TEX10: variants seen among roughly 807,000 people sequenced by gnomAD.
TEX10 encodes testis-expressed protein 10.
TEX10 carries 24 observed loss-of-function variants against 104.4 expected under a neutral mutation model. The ratio of observed to expected loss-of-function variants is 0.23; its 90% CI spans 0.17 to 0.32. The LOEUF (loss-of-function observed/expected upper bound fraction) is 0.32. TEX10 is among the 10% of genes least tolerant of loss of function. The pLI is 1.00. For missense variants in TEX10, 921 were observed against 1,083.9 expected, an observed-to-expected ratio of 0.85 and a Z score of 2.11; for synonymous variants, 396 against 393.4, an observed-to-expected ratio of 1.01 and a Z score of -0.08.
At position 100,329,971 on chromosome 9, in the gene TEX10, C is replaced by A; in HGVS notation, c.1449G>T (p.Leu483=). The change falls in exon 6 of 15, where the codon CTG becomes CTT. Residue 483 remains leucine, a synonymous_variant. Coordinates refer to ENST00000374902, the MANE Select transcript of TEX10 (RefSeq NM_017746.4). ...TTTGCATTAACCTCCAGGATACTCCCAGCAATCTGTTCAGTTGCTTACTAT... is the reference window on the plus strand; with the variant it reads ...TTTGCATTAACCTCCAGGATACTCCAAGCAATCTGTTCAGTTGCTTACTAT... The part of the protein sequence containing the change: ...RLNSKQLNRL[L]GVSWRLMQIQ... 1 of 1,613,864 alleles carries A rather than the reference C, an allele frequency of 6.2e-7. No homozygotes were observed.
At chr9:100,310,496 T>A (rs965863220) in intron 11 of TEX10, 117 bp from the exon 12 acceptor site, 1 of 918,268 alleles carries the variant, frequency 1.1e-6, no homozygotes, top group Non-Finnish European at 1.7e-6. Context: ...TGGAGTGCAG[T>A]GATGCAGTCT....
Position 100,320,458 on chromosome 9 carries a change from T to C in TEX10, c.2069-60A>G, listed in dbSNP as rs1276806156. 82 of 1,509,544 alleles carry C rather than the reference T, an allele frequency of 5.4e-5. No individual in the cohort carries two copies. The East Asian group carries it at 1.9e-3, about 35-fold the overall frequency. 93.5% of individuals were successfully genotyped at this position (1,509,544 alleles called of 1,614,324 possible). ...AACAAAAAACAAAAAACAATGACTT[T>C]CTTAAAAAACAGAGATGACATATGC... On this transcript the variant is annotated intron_variant, in intron 10 of 14. Coordinates refer to ENST00000374902, the MANE Select transcript of TEX10 (RefSeq NM_017746.4).
In TEX10 at chr9:100,346,105, T is replaced by C. The variant is rs747694327; in HGVS notation, c.1104A>G (p.Lys368=). The C allele has an allele frequency of 3.1e-6, 5 of 1,613,456 alleles. No individual in the cohort carries two copies. The highest frequency in any genetic ancestry group is 1.7e-5 in the Admixed American group (1 of 59,930). ...GGGTTTCATCCTGTTGTTTAGAGAG[T>C]TTCCACAGAAGGGAAATAATATTAA... The part of the protein sequence containing the change: ...QVLNIISLLW[K]LSKQQDETHK... Residue 368 remains lysine, a synonymous_variant, in exon 4 of 15, where the codon AAA becomes AAG. Coordinates refer to ENST00000374902, the MANE Select transcript of TEX10 (RefSeq NM_017746.4).
chr9:100,318,039 T>C (rs1295471419), intron 11 of TEX10, among the ~76,000 whole-genome samples: 2 of 152,192 alleles, frequency 1.3e-5, no homozygotes, highest in Non-Finnish European at 2.9e-5. Flanking sequence ...GTACAACCTC[T>C]GTGGAAATCA....
chr9:100,349,594 CAA>C (rs1485555722), intron 1 of TEX10, among the ~76,000 whole-genome samples: 2 of 152,012 alleles, frequency 1.3e-5, no homozygotes, highest in Non-Finnish European at 2.9e-5. Context: ...CACGGTTTTG[CAA>C]AGTTTTTTGG....
At chr9:100,303,293 C>T (rs993387926) in intron 14 of TEX10, among the ~76,000 whole-genome samples, 3 of 152,144 alleles carry the variant, frequency 2.0e-5, no homozygotes, top group African/African-American at 7.2e-5. Context: ...GCCAAGCTGT[C>T]ACAGTTCATT....
intron 11 of TEX10, among the ~76,000 whole-genome samples, chr9:100,314,853 G>A (rs1834376121): frequency 6.6e-6 from 1 of 152,134 alleles, no homozygotes; most frequent in African/African-American, 2.4e-5. Context: ...GACATTTAAT[G>A]CTATGAAGTT....
At chr9:100,341,697 C>T (rs1835178744) in intron 4 of TEX10, among the ~76,000 whole-genome samples, 1 of 152,108 alleles carries the variant, frequency 6.6e-6, no homozygotes, top group Non-Finnish European at 1.5e-5. Context: ...AAAGTCAATT[C>T]CCCACACAGC....
At chr9:100,344,535 T>C (rs957461610) in intron 4 of TEX10, among the ~76,000 whole-genome samples, 2 of 152,210 alleles carry the variant, frequency 1.3e-5, no homozygotes, top group African/African-American at 2.4e-5. Context: ...GAATTTTTAC[T>C]TCTTGGCTCT....
intron 12 of TEX10, among the ~76,000 whole-genome samples, chr9:100,309,296 AT>A (rs1834214856): frequency 6.6e-6 from 1 of 152,180 alleles, no homozygotes; most frequent in Non-Finnish European, 1.5e-5. Context: ...TACTGTATGC[AT>A]TGTCATTAAG....
chr9:100,313,997 A>C (rs1383491703), intron 11 of TEX10, among the ~76,000 whole-genome samples: 1 of 152,140 alleles, frequency 6.6e-6, no homozygotes, highest in Non-Finnish European at 1.5e-5. Context: ...AAACAATTTC[A>C]GGAGAATGAG....
intron 12 of TEX10, among the ~76,000 whole-genome samples, chr9:100,309,135 C>CGAAG (rs1834210910): frequency 6.6e-6 from 1 of 152,156 alleles, no homozygotes; most frequent in Non-Finnish European, 1.5e-5. Flanking sequence ...TCAAAATTAG[C>CGAAG]CTTCCTCTGC....
At chr9:100,308,317 C>G (rs1242834627) in intron 13 of TEX10, among the ~76,000 whole-genome samples, 183 bp downstream of exon 13, 1 of 152,130 alleles carries the variant, frequency 6.6e-6, no homozygotes, top group Non-Finnish European at 1.5e-5. Context: ...TAAAAATTTT[C>G]ACTACAACAC....
intron 5 of TEX10, among the ~76,000 whole-genome samples, chr9:100,337,176 G>A (rs373656225): frequency 1.3e-5 from 2 of 152,100 alleles, no homozygotes; most frequent in Non-Finnish European, 2.9e-5. Context: ...TGAAATAAAT[G>A]TCTTTTTCAT....
In TEX10 at chr9:100,303,829, C is replaced by A. The variant is rs1347750324; in HGVS notation, c.2479G>T (p.Gly827Trp). ...AGAGCCAGGATGGAGACACAGACCC[C>A]CCACAGCTTGTCCCTACAATAACAG... ...EHLRKRDKLW[G>W]VCVSILALLP... The change falls in exon 14 of 15, where the codon GGG becomes TGG. Residue 827 changes from glycine (G) to tryptophan (W), a missense_variant. Around this residue, in one of 3 missense-constraint regions of TEX10, gnomAD observed 753 missense variants for 868.4 expected, o/e 0.87. Transcript: ENST00000374902. 4 of 1,613,910 alleles carry A rather than the reference C, an allele frequency of 2.5e-6. No individual in the cohort carries two copies. Among genetic ancestry groups the A allele is most frequent in the African/African-American group, 1.3e-5 (1 of 74,978 alleles).
chr9:100,342,456 A>G (rs983374831), intron 4 of TEX10, among the ~76,000 whole-genome samples: 2 of 152,232 alleles, frequency 1.3e-5, no homozygotes, highest in African/African-American at 4.8e-5. Flanking sequence ...GTAATGATCA[A>G]ACTGTTCTAT....
In TEX10 at chr9:100,310,326, G is replaced by A; in HGVS notation, c.2256C>T (p.Ile752=). The stretch of plus-strand genomic sequence containing the variant: ...AATGCTTACTGATGGCACTTTGCAA[G>A]ATGTCAAAGTTCTGACTTCGGGCAG... ...VIPARSQNFD[I]LQSAISKHLV... Residue 752 remains isoleucine (I), a synonymous_variant, in exon 12 of 15, where the codon ATC becomes ATT. Coordinates refer to ENST00000374902, the MANE Select transcript of TEX10 (RefSeq NM_017746.4). 2 of 1,614,158 alleles carry A rather than the reference G, an allele frequency of 1.2e-6. No individual in the cohort carries two copies. The highest frequency in any genetic ancestry group is 1.7e-6 in the Non-Finnish European group (2 of 1,180,018).
rs199615583 is a variant in TEX10, at chr9:100,322,668, T to G, written c.1980-897A>C. Among the ~76,000 whole-genome samples, 4 of 152,084 alleles carry G rather than the reference T, an allele frequency of 2.6e-5. No homozygotes were observed. The East Asian group carries it at 7.7e-4, about 29-fold the overall frequency. On this transcript the variant is annotated intron_variant, in intron 9 of 14. Transcript: ENST00000374902. ...GTTTCTCTTGTTGCCCAGGCTGGAGTGCAATGGCATGATCTCAGCTCACTG... is the reference window on the plus strand; with the variant it reads ...GTTTCTCTTGTTGCCCAGGCTGGAGGGCAATGGCATGATCTCAGCTCACTG...
chr9:100,342,352 C>G (rs2118922348), intron 4 of TEX10, among the ~76,000 whole-genome samples: 1 of 152,256 alleles, frequency 6.6e-6, no homozygotes, highest in South Asian at 2.1e-4. Flanking sequence ...TAGATCCCAC[C>G]AGAAGGTACA....
Sources: gnomAD v4.1 joint callset for allele counts (sites outside exome capture counted in the v4.1 genomes callset) on GRCh38, gnomAD v4.1.1 for gene constraint, gnomAD v4.1.1 regional missense constraint, MANE v1.5 for transcripts, NCBI Gene and HGNC (gene_info 2026-07-23, HGNC 2026-07-21) for gene names.